The following ATP10B variants were observed in gnomAD, a reference collection of about 807,000 sequenced individuals.
ATP10B encodes the protein phospholipid-transporting ATPase VB.
Under a neutral mutation model 141.2 loss-of-function variants are expected in ATP10B, and 122 were observed. The ratio of observed to expected loss-of-function variants is 0.86; its 90% CI spans 0.75 to 1.00. The LOEUF is 1.00. ATP10B is among the 50% of genes least tolerant of loss of function. The pLI, the probability that ATP10B is intolerant of heterozygous loss-of-function variation, is 0.00. For synonymous variants in ATP10B, 685 were observed against 692.0 expected (o/e 0.99, Z 0.16); for missense variants, 1,876 against 1,825.3 (o/e 1.03, Z -0.51).
intron 1 of ATP10B, among the ~76,000 whole-genome samples, chr5:160,820,069 C>T (rs1773981819): frequency 6.7e-6 from 1 of 150,026 alleles, no homozygotes; most frequent in South Asian, 2.1e-4. Flanking sequence ...GAAAACAGTA[C>T]AAAAATCAAC....
chr5:160,857,186 T>A (rs1331270086), upstream of ATP10B, among the ~76,000 whole-genome samples: 1 of 151,856 alleles, frequency 6.6e-6, no homozygotes, highest in East Asian at 1.9e-4. Context: ...CATCTGGGTC[T>A]GGAAATGTCT....
chr5:160,701,435 C>T (rs1298194871), intron 3 of ATP10B, among the ~76,000 whole-genome samples: 2 of 152,174 alleles, frequency 1.3e-5, no homozygotes, highest in Non-Finnish European at 1.5e-5. Context: ...CTCAAAAAGC[C>T]TAGCTAATTT....
intron 10 of ATP10B, chr5:160,639,235 A>G (rs1759644405): frequency 6.6e-6 from 1 of 152,312 alleles, no homozygotes; most frequent in Non-Finnish European, 1.5e-5. Context: ...TACCTCTTCA[A>G]GAAAGACTTT....
At chr5:160,694,829 C>T (rs1326887037) in intron 3 of ATP10B, among the ~76,000 whole-genome samples, 1 of 152,218 alleles carries the variant, frequency 6.6e-6, no homozygotes, top group Non-Finnish European at 1.5e-5. Flanking sequence ...TTTAAACATA[C>T]ACGTTTAGAA....
At position 160,673,580 on chromosome 5, in the gene ATP10B, C is replaced by G. The variant is rs184899498; in HGVS notation, c.471-2913G>C. Among the ~76,000 whole-genome samples, 188 of 151,984 alleles carry G rather than the reference C, an allele frequency of 1.2e-3. 2 individuals carry two copies. The highest frequency in any genetic ancestry group is 0.01 in the South Asian group (50 of 4,808). ...ACCCATTAACCATCCCCATCTCCCC[C>G]CAACCCTCACTTTTATTTTCTATGA... On this transcript the variant is annotated intron_variant, in intron 6 of 25. Coordinates refer to ENST00000327245, the MANE Select transcript of ATP10B (RefSeq NM_025153.3).
intron 3 of ATP10B, among the ~76,000 whole-genome samples, chr5:160,692,334 G>A (rs757588463): frequency 2.0e-5 from 3 of 152,132 alleles, no homozygotes; most frequent in Non-Finnish European, 4.4e-5. Context: ...TCACTTTTTA[G>A]TGGAGAAATG....
chr5:160,654,277 T>C (rs1761318937), intron 7 of ATP10B, among the ~76,000 whole-genome samples: 1 of 151,930 alleles, frequency 6.6e-6, no homozygotes, highest in African/African-American at 2.4e-5. Flanking sequence ...GGTTCTTATT[T>C]TAACCTTGTT....
At chr5:160,597,249 C>A (rs556741496) in intron 22 of ATP10B, among the ~76,000 whole-genome samples, 1 of 152,308 alleles carries the variant, frequency 6.6e-6, no homozygotes, top group South Asian at 2.1e-4. Context: ...TGCATATCTA[C>A]AACTATCTGA....
intron 1 of ATP10B, among the ~76,000 whole-genome samples, chr5:160,821,265 T>C (rs1274022779): frequency 6.6e-6 from 1 of 151,968 alleles, no homozygotes; most frequent in Non-Finnish European, 1.5e-5. Context: ...CCATTTATAA[T>C]AGCTAGAAAT....
intron 7 of ATP10B, among the ~76,000 whole-genome samples, chr5:160,662,963 C>T (rs184300985): frequency 1.3e-5 from 2 of 152,230 alleles, no homozygotes; most frequent in Non-Finnish European, 2.9e-5. Flanking sequence ...ACAACCCCAT[C>T]AACAAGTGAG....
chr5:160,926,637 T>C, the ATP10B span, among the ~76,000 whole-genome samples: 2 of 152,174 alleles, frequency 1.3e-5, no homozygotes. Flanking sequence ...AAGGGACCCA[T>C]AAAAACCACC....
At chr5:160,927,217 G>A in the ATP10B span, among the ~76,000 whole-genome samples, 5 of 152,122 alleles carry the variant, frequency 3.3e-5, no homozygotes, top group South Asian at 1.0e-3. Flanking sequence ...AGAGATATGC[G>A]AGCAAAGTGC....
In ATP10B at chr5:160,565,970, T is replaced by C. The variant is rs867843896; in HGVS notation, c.3939-70A>G. 2.4e-5 allele frequency: 34 copies of C among 1,434,436 alleles called. No homozygotes were observed. The Middle Eastern group carries it at 6.9e-4, about 29-fold the overall frequency. 88.9% of individuals were successfully genotyped at this position (1,434,436 alleles called of 1,614,324 possible). ...CTTCATAAACTTCAGCATTAAAAGA[T>C]AGTCTTTAGAATCCAACTCCCTGCC... is the stretch of plus-strand genomic sequence containing the variant. On this transcript the variant is annotated intron_variant, in intron 25 of 25. Transcript: ENST00000327245.
rs745730479 is a variant in ATP10B, at chr5:160,620,747, A to G, written c.2016T>C (p.Gly672=). ...TGTAGCCACCGTCATCAGTGGAGTC[A>G]CCTCCACTGCACACAGATGCATCAT... The part of the protein sequence containing the change: ...ERDDASVCSG[G]DSTDDGGYRS... Residue 672 remains glycine, a synonymous_variant, in exon 15 of 26, where the codon GGT becomes GGC. Coordinates refer to ENST00000327245, the MANE Select transcript of ATP10B (RefSeq NM_025153.3). The G allele has an allele frequency of 6.2e-7, 1 of 1,614,070 alleles. No homozygotes were observed. Among genetic ancestry groups the G allele is most frequent in the South Asian group, 1.1e-5 (1 of 91,070 alleles).
At chr5:160,604,085 C>T in intron 19 of ATP10B, 44 bp from the exon 20 acceptor site, 1 of 1,472,496 alleles carries the variant, frequency 6.8e-7, no homozygotes, top group Non-Finnish European at 9.5e-7. Context: ...GGTCCAACTG[C>T]TCAGTGACAA....
At position 160,653,275 on chromosome 5, in the gene ATP10B, A is replaced by C. The variant is rs1462548781; in HGVS notation, c.676-4019T>G. On this transcript the variant is annotated intron_variant, in intron 7 of 25. Transcript: ENST00000327245. ...GTAGTATATATACATACGTACATAC[A>C]TACATAGGTAGTATATATACATACG... Among the ~76,000 whole-genome samples the C allele has an allele frequency of 3.7e-5, 5 of 133,916 alleles. 1 individual carries two copies. The highest frequency in any genetic ancestry group is 1.4e-4 in the African/African-American group (5 of 35,532). The allele number at this position is 133,916 out of a possible 152,430, so 87.9% of individuals were successfully genotyped here.
At chr5:160,604,602 G>A (rs1384976883) in intron 19 of ATP10B, among the ~76,000 whole-genome samples, 2 of 152,170 alleles carry the variant, frequency 1.3e-5, no homozygotes, top group Non-Finnish European at 2.9e-5. Flanking sequence ...TTGTTTCTCA[G>A]TGTAGAGAAA....
chr5:160,788,407 C>T (rs1020690863), intron 1 of ATP10B, among the ~76,000 whole-genome samples: 1 of 152,166 alleles, frequency 6.6e-6, no homozygotes, highest in Non-Finnish European at 1.5e-5. Flanking sequence ...CTAGCTGAGT[C>T]TCTAAGTAAT....
intron 2 of ATP10B, among the ~76,000 whole-genome samples, chr5:160,742,940 C>T (rs1473231033): frequency 6.6e-6 from 1 of 152,020 alleles, no homozygotes; most frequent in Non-Finnish European, 1.5e-5. Flanking sequence ...GGTGTTACCT[C>T]CAGATACTTT....
Sources: allele counts gnomAD v4.1 joint callset (sites outside exome capture counted in the v4.1 genomes callset), GRCh38; gene constraint gnomAD v4.1.1; transcripts MANE v1.5; gene names NCBI Gene and HGNC (gene_info 2026-07-23, HGNC 2026-07-21).